The following CYP4B1 variants were observed in gnomAD, a reference collection of about 807,000 sequenced individuals.
The protein encoded by CYP4B1 is cytochrome P450 family 4 subfamily B member 1.
Under a neutral mutation model 54.0 loss-of-function variants are expected in CYP4B1, and 45 were observed. The observed-to-expected ratio is 0.83, with a 90% CI of 0.66 to 1.07. The LOEUF is 1.07. Ranked by LOEUF, CYP4B1 falls within the 50% of genes least tolerant of loss-of-function variation. CYP4B1 has a pLI of 0.00. For synonymous variants in CYP4B1, 248 were observed against 247.5 expected (o/e 1.00, Z -0.02); for missense variants, 656 against 655.4 (o/e 1.00, Z -0.01).
Position 46,811,296 on chromosome 1 carries a change from G to A in CYP4B1, c.367+112G>A, listed in dbSNP as rs1280653851. 4.4e-6 allele frequency: 5 copies of A among 1,146,002 alleles called. No homozygotes were observed. In the Admixed American group the frequency reaches 7.2e-5, roughly 17 times the overall value. 71.0% of individuals were successfully genotyped at this position (1,146,002 alleles called of 1,614,324 possible). On this transcript the variant is annotated intron_variant, in intron 3 of 11. Transcript: ENST00000371923. ...GTTATCCCAGATGGCCTAGTTCTCG[G>A]GTGCCCATCCTAAGCTCAGCTGCTC...
chr1:46,812,872 C>A (rs896308207), intron 4 of CYP4B1, among the ~76,000 whole-genome samples: 2 of 152,202 alleles, frequency 1.3e-5, no homozygotes, highest in Non-Finnish European at 2.9e-5. Context: ...CCAGGAGACC[C>A]AGCCCTCTTT....
chr1:46,812,921 G>C (rs965908715), intron 4 of CYP4B1, among the ~76,000 whole-genome samples: 1 of 152,166 alleles, frequency 6.6e-6, no homozygotes, highest in African/African-American at 2.4e-5. Flanking sequence ...ACTTAATAAG[G>C]CTCCTAGCAT....
intron 1 of CYP4B1, among the ~76,000 whole-genome samples, chr1:46,799,816 A>G (rs1678539286): frequency 6.6e-6 from 1 of 152,228 alleles, no homozygotes; most frequent in Admixed American, 6.5e-5. Context: ...ACACCTTCCC[A>G]GGTTCAGATC....
chr1:46,812,762 A>C (rs962662921), intron 4 of CYP4B1, 139 bp downstream of exon 4: 4 of 972,668 alleles, frequency 4.1e-6, no homozygotes, highest in Non-Finnish European at 6.1e-6. Context: ...TCTGCCTGCA[A>C]CAGCAGTGCC....
At chr1:46,804,545 T>C (rs1284751920) in intron 1 of CYP4B1, among the ~76,000 whole-genome samples, 1 of 149,598 alleles carries the variant, frequency 6.7e-6, no homozygotes, top group Non-Finnish European at 1.5e-5. Flanking sequence ...GATTGATGGG[T>C]GAGGTGCCTT....
rs1679071526 is a variant in CYP4B1 at position 46,810,924 on chromosome 1, T to C, written c.297T>C (p.Tyr99=). The change falls in exon 2 of 12, where the codon TAT becomes TAC. Residue 99 remains tyrosine (Y), a synonymous_variant. Transcript: ENST00000371923. ...TCCTGAACATCTATGAGCCTGACTA[T>C]GCCAAAGCTGTGTACAGCCGTGGGG... is the stretch of plus-strand genomic sequence containing the variant. ...IGFLNIYEPD[Y]AKAVYSRGDP... is the part of the protein sequence containing the mutation. 1.9e-6 allele frequency: 3 copies of C among 1,613,918 alleles called. No homozygotes were observed. In the African/African-American group the frequency reaches 4.0e-5, roughly 22 times the overall value.
intron 7 of CYP4B1, chr1:46,814,608 CTTCATTCA>C (rs199635733): frequency 1.6e-5 from 6 of 382,418 alleles, no homozygotes; most frequent in East Asian, 5.1e-5. Context: ...GAATCTTAGA[CTTCATTCA>C]TTCATTCATT....
At chr1:46,812,141 G>T in intron 3 of CYP4B1, 1 of 476,740 alleles carries the variant, frequency 2.1e-6, no homozygotes, top group South Asian at 1.5e-5. Context: ...GAGAGTCAAG[G>T]CTCAGCAGGC....
chr1:46,810,381 T>G (rs1001398843), intron 1 of CYP4B1, among the ~76,000 whole-genome samples: 1 of 152,230 alleles, frequency 6.6e-6, no homozygotes, highest in Non-Finnish European at 1.5e-5. Context: ...GCCCTGCACA[T>G]GTAGGCCCTC....
intron 1 of CYP4B1, among the ~76,000 whole-genome samples, chr1:46,809,184 A>AACAAC (rs1678991478): frequency 6.9e-6 from 1 of 145,876 alleles, no homozygotes; most frequent in Non-Finnish European, 1.5e-5. Context: ...CTTAAAAAAA[A>AACAAC]ACAAAACAAA....
intron 8 of CYP4B1, among the ~76,000 whole-genome samples, chr1:46,816,648 A>G (rs1679344009): frequency 1.3e-5 from 2 of 151,084 alleles, no homozygotes; most frequent in Non-Finnish European, 3.0e-5. Flanking sequence ...TGGTTCATTC[A>G]ACCAACGTGT....
In CYP4B1 at chr1:46,818,827, T is replaced by G; in HGVS notation, c.*13T>G. The stretch of plus-strand genomic sequence containing the variant: ...GTCTGGGAAGTAGCTCTGATGAGAA[T>G]GGGGTCCCAGATGGCTCAGGCTGTG... On this transcript the variant is annotated 3_prime_UTR_variant, in exon 12 of 12. Coordinates refer to ENST00000371923, the MANE Select transcript of CYP4B1 (RefSeq NM_001099772.2). 5.6e-6 allele frequency: 9 copies of G among 1,613,708 alleles called. No homozygotes were observed. The highest frequency in any genetic ancestry group is 7.6e-6 in the Non-Finnish European group (9 of 1,179,790).
intron 8 of CYP4B1, among the ~76,000 whole-genome samples, chr1:46,816,290 T>C (rs1679329917): frequency 6.6e-6 from 1 of 152,132 alleles, no homozygotes; most frequent in African/African-American, 2.4e-5. Context: ...AGGCTTGAAC[T>C]GACTTTCTAA....
intron 1 of CYP4B1, among the ~76,000 whole-genome samples, chr1:46,810,492 A>G (rs985433024): frequency 8.5e-5 from 13 of 152,196 alleles, no homozygotes; most frequent in Non-Finnish European, 1.8e-4. Flanking sequence ...AAGAGCTTTA[A>G]TGTGGAGAAG....
chr1:46,817,460 T>A lies in CYP4B1; in HGVS notation c.1207+279T>A, dbSNP rs142505522. ...TCACCAAGGCTGCCATGTACCACCA[T>A]GCAGGTCATGCCCTGAACAGCACCA... On this transcript the variant is annotated intron_variant, in intron 9 of 11. Transcript: ENST00000371923. 4.4e-5 allele frequency: 22 copies of A among 497,580 alleles called. No homozygotes were observed. The East Asian group carries it at 7.8e-4, about 18-fold the overall frequency. 30.8% of individuals were successfully genotyped at this position (497,580 alleles called of 1,614,324 possible).
At position 46,815,131 on chromosome 1, in the gene CYP4B1, A is replaced by G. The variant is rs771233725; in HGVS notation, c.940A>G (p.Met314Val). 5.0e-6 allele frequency: 8 copies of G among 1,614,032 alleles called. No homozygotes were observed. The highest frequency in any genetic ancestry group is 1.7e-5 in the Admixed American group (1 of 59,998). The change falls in exon 8 of 12, where the codon ATG becomes GTG. Residue 314 changes from methionine (M) to valine (V), a missense_variant. By Grantham distance (21) the Met-to-Val change is conservative. Transcript: ENST00000371923. ...CCTCCGGGCTGAAGTGGACACATTC[A>G]TGTTTGAAGGCCATGACACCACCAC... The part of the protein sequence containing the change: ...ADLRAEVDTF[M>V]FEGHDTTTSG...
At chr1:46,817,325 C>A (rs527345565) in intron 9 of CYP4B1, 144 bp downstream of exon 9, 2 of 891,200 alleles carry the variant, frequency 2.2e-6, no homozygotes, top group South Asian at 3.5e-5. Context: ...CCCAGCCCCA[C>A]AACATATTGA....
chr1:46,806,071 C>G (rs915665017), intron 1 of CYP4B1, among the ~76,000 whole-genome samples: 3 of 152,190 alleles, frequency 2.0e-5, no homozygotes, highest in Non-Finnish European at 4.4e-5. Flanking sequence ...GACTAAGAAG[C>G]CTTTTGAGGA....
At chr1:46,809,926 A>T (rs567635949) in intron 1 of CYP4B1, among the ~76,000 whole-genome samples, 1 of 152,230 alleles carries the variant, frequency 6.6e-6, no homozygotes, top group Non-Finnish European at 1.5e-5. Flanking sequence ...TCATTTACTT[A>T]AAACACCTCT....
Sources: allele counts gnomAD v4.1 joint callset (sites outside exome capture counted in the v4.1 genomes callset), GRCh38; gene constraint gnomAD v4.1.1; transcripts MANE v1.5; gene names NCBI Gene and HGNC (gene_info 2026-07-23, HGNC 2026-07-21).